Variants in NOS1AP observed in about 807,000 individuals in gnomAD.
NOS1AP encodes nitric oxide synthase 1 adaptor protein.
Under a neutral mutation model 56.2 loss-of-function variants are expected in NOS1AP, and 21 were observed. The ratio of observed to expected loss-of-function variants is 0.37; its 90% CI spans 0.26 to 0.54. NOS1AP has a LOEUF of 0.54. Among genes scored for constraint, NOS1AP ranks in the 20% least tolerant of loss-of-function variants. The pLI, the probability that NOS1AP is intolerant of heterozygous loss-of-function variation, is 0.84. For missense variants in NOS1AP, 522 were observed against 657.8 expected (o/e 0.79, Z 2.26); for synonymous variants, 270 against 274.6 (o/e 0.98, Z 0.17).
At position 162,211,758 on chromosome 1, in the gene NOS1AP, C is replaced by T. The variant is rs1400411838; in HGVS notation, c.177+57282C>T. On this transcript the variant is annotated intron_variant, in intron 2 of 9. Coordinates refer to ENST00000361897, the MANE Select transcript of NOS1AP (RefSeq NM_014697.3). Reference sequence around the variant, plus strand: ...CCTCTCTCTGCAGTCTGATTGTTTACACTTTGCTGACCGTATCCTGGTTAA... The same window carrying T: ...CCTCTCTCTGCAGTCTGATTGTTTATACTTTGCTGACCGTATCCTGGTTAA... Among the ~76,000 whole-genome samples, 4 of 152,226 alleles carry T rather than the reference C, an allele frequency of 2.6e-5. No homozygotes were observed. The East Asian group carries it at 7.7e-4, about 29-fold the overall frequency.
At chr1:162,103,421 G>A (rs563203091) in intron 1 of NOS1AP, among the ~76,000 whole-genome samples, 69 of 152,216 alleles carry the variant, frequency 4.5e-4, no homozygotes, top group African/African-American at 1.6e-3. Flanking sequence ...GTTTTTAGGT[G>A]CAGAGTTCTG....
intron 2 of NOS1AP, among the ~76,000 whole-genome samples, chr1:162,170,953 A>G (rs1252078493): frequency 1.3e-5 from 2 of 151,162 alleles, no homozygotes; most frequent in Non-Finnish European, 3.0e-5. Context: ...AAAAAAAAAA[A>G]GAAAAGAAAC....
At chr1:162,290,183 T>C (rs532616024) in intron 3 of NOS1AP, among the ~76,000 whole-genome samples, 6 of 152,172 alleles carry the variant, frequency 3.9e-5, no homozygotes, top group Non-Finnish European at 8.8e-5. Context: ...GAAAAAAAGA[T>C]GGTCTAGCAG....
At chr1:162,313,365 C>T (rs529105256) in intron 4 of NOS1AP, among the ~76,000 whole-genome samples, 30 of 152,254 alleles carry the variant, frequency 2.0e-4, no homozygotes, top group Non-Finnish European at 3.4e-4. Context: ...ACACCTATTC[C>T]TCCTAGTACT....
intron 2 of NOS1AP, among the ~76,000 whole-genome samples, chr1:162,249,358 T>A (rs112539064): frequency 7.2e-4 from 110 of 152,216 alleles, no homozygotes; most frequent in African/African-American, 2.6e-3. Context: ...AATAAAGCAA[T>A]GTCTCATGTG....
chr1:162,105,151 C>T (rs900042550), intron 1 of NOS1AP, among the ~76,000 whole-genome samples: 1 of 152,164 alleles, frequency 6.6e-6, no homozygotes, highest in African/African-American at 2.4e-5. Flanking sequence ...TCAGGCCATT[C>T]TCCTGTAGCA....
At chr1:162,176,604 G>A (rs1311782485) in intron 2 of NOS1AP, among the ~76,000 whole-genome samples, 4 of 148,666 alleles carry the variant, frequency 2.7e-5, no homozygotes, top group African/African-American at 1.0e-4. Context: ...TGCCTCCTGG[G>A]TTCAAGCAAT....
At chr1:162,260,599 A>G (rs1352025066) in intron 2 of NOS1AP, among the ~76,000 whole-genome samples, 1 of 152,202 alleles carries the variant, frequency 6.6e-6, no homozygotes, top group Non-Finnish European at 1.5e-5. Context: ...AGAACTAGAG[A>G]CATATTTAGC....
At chr1:162,337,717 T>C (rs1372154090) in intron 5 of NOS1AP, among the ~76,000 whole-genome samples, 3 of 152,348 alleles carry the variant, frequency 2.0e-5, no homozygotes, top group African/African-American at 7.2e-5. Flanking sequence ...CACAGCTATC[T>C]GTTGGAAACT....
intron 6 of NOS1AP, among the ~76,000 whole-genome samples, chr1:162,353,997 A>T (rs1221408810): frequency 2.0e-5 from 3 of 152,204 alleles, no homozygotes; most frequent in African/African-American, 7.2e-5. Context: ...AGCCCTCCAC[A>T]GGACTGTCTC....
chr1:162,285,983 G>A (rs973495883), intron 2 of NOS1AP, among the ~76,000 whole-genome samples: 1 of 152,176 alleles, frequency 6.6e-6, no homozygotes, highest in African/African-American at 2.4e-5. Context: ...AGACAAGAAT[G>A]TTTCTTGTGG....
At chr1:162,093,177 A>G (rs1692170199) in intron 1 of NOS1AP, among the ~76,000 whole-genome samples, 1 of 152,180 alleles carries the variant, frequency 6.6e-6, no homozygotes, top group South Asian at 2.1e-4. Flanking sequence ...TGGTTCTGAT[A>G]AAAATATCTC....
intron 2 of NOS1AP, among the ~76,000 whole-genome samples, chr1:162,230,463 C>T (rs1653086692): frequency 6.6e-6 from 1 of 152,152 alleles, no homozygotes; most frequent in African/African-American, 2.4e-5. Flanking sequence ...TTCAGAATTT[C>T]TACTAGTCAC....
intron 2 of NOS1AP, among the ~76,000 whole-genome samples, chr1:162,236,263 T>G (rs1383950226): frequency 3.3e-5 from 5 of 152,202 alleles, no homozygotes; most frequent in African/African-American, 7.2e-5. Context: ...AATCAGCAAT[T>G]TTGAATATGT....
intron 2 of NOS1AP, among the ~76,000 whole-genome samples, chr1:162,163,654 G>A (rs1650337832): frequency 6.6e-6 from 1 of 152,100 alleles, no homozygotes; most frequent in Admixed American, 6.5e-5. Flanking sequence ...CCAGACAGAG[G>A]TCAGCAAGTG....
At chr1:162,139,717 A>G (rs959564719) in intron 1 of NOS1AP, among the ~76,000 whole-genome samples, 1 of 152,228 alleles carries the variant, frequency 6.6e-6, no homozygotes, top group Non-Finnish European at 1.5e-5. Flanking sequence ...TTCTCCTTAA[A>G]AATAGCTTTT....
At chr1:162,155,354 G>A (rs1257719141) in intron 2 of NOS1AP, among the ~76,000 whole-genome samples, 13 of 114,954 alleles carry the variant, frequency 1.1e-4, no homozygotes, top group African/African-American at 3.5e-4. Context: ...GTGTATATAT[G>A]TATGTGTATA....
intron 4 of NOS1AP, among the ~76,000 whole-genome samples, chr1:162,314,958 A>G (rs1656183670): frequency 6.6e-6 from 1 of 152,258 alleles, no homozygotes; most frequent in Non-Finnish European, 1.5e-5. Flanking sequence ...TTAATGTTTG[A>G]ATGCTTAATA....
chr1:162,356,896 AGAGG>A, intron 7 of NOS1AP, 60 bp from the exon 8 acceptor site: 1 of 1,611,856 alleles, frequency 6.2e-7, no homozygotes, highest in South Asian at 1.1e-5. Context: ...CATGCCAAAG[AGAGG>A]GAGGCCCCTC....
Sources: gnomAD v4.1 joint callset for allele counts (sites outside exome capture counted in the v4.1 genomes callset) on GRCh38, gnomAD v4.1.1 for gene constraint, MANE v1.5 for transcripts, NCBI Gene and HGNC (gene_info 2026-07-23, HGNC 2026-07-21) for gene names.